The following ZGRF1 variants were observed in gnomAD, a reference collection of about 807,000 sequenced individuals.
The protein encoded by ZGRF1 is zinc finger GRF-type containing 1, also known as 5'-3' DNA helicase ZGRF1.
Under a neutral mutation model 203.5 loss-of-function variants are expected in ZGRF1, and 196 were observed. That is an observed-to-expected ratio of 0.96 (90% CI 0.86 to 1.08). The LOEUF is 1.08. Among genes scored for constraint, ZGRF1 ranks in the 50% least tolerant of loss-of-function variants. ZGRF1 has a pLI of 0.00. For synonymous variants in ZGRF1, 809 were observed against 841.3 expected, an observed-to-expected ratio of 0.96 and a Z score of 0.66; for missense variants, 2,326 against 2,416.3, an observed-to-expected ratio of 0.96 and a Z score of 0.78.
chr4:112,618,057 G>A lies in ZGRF1; in HGVS notation c.1985C>T (p.Ala662Val). 6.2e-7 allele frequency: 1 copy of A among 1,613,610 alleles called. No homozygotes were observed. The highest frequency in any genetic ancestry group is 8.5e-7 in the Non-Finnish European group (1 of 1,179,842). The change falls in exon 6 of 28, where the codon GCT (alanine) becomes GTT (valine). Residue 662 changes from alanine to valine, a missense_variant. Physicochemically the swap from Ala to Val is moderately conservative, Grantham distance 64. Transcript: ENST00000505019. ...TCTGACTTCTTGAATAGGTTTATTA[G>A]CATCTTCTTTATTATCTCCGTATAC... ...DAVYGDNKED[A>V]NKPIQEVRIN... is the part of the protein sequence containing the mutation.
chr4:112,608,191 G>A (rs762252589), intron 8 of ZGRF1, among the ~76,000 whole-genome samples: 8 of 152,128 alleles, frequency 5.3e-5, no homozygotes, highest in Admixed American at 1.3e-4. Flanking sequence ...TGAGATTATA[G>A]GCACGGGCCA....
chr4:112,605,924 G>C, intron 9 of ZGRF1, 84 bp downstream of exon 9: 1 of 897,060 alleles, frequency 1.1e-6, no homozygotes, highest in Non-Finnish European at 1.8e-6. Context: ...TGAAAACTCT[G>C]ATACTTGTTT....
intron 11 of ZGRF1, among the ~76,000 whole-genome samples, chr4:112,588,300 T>C (rs763707591): frequency 8.5e-5 from 13 of 152,258 alleles, no homozygotes; most frequent in Admixed American, 7.2e-4. Context: ...GGCTTAGCAG[T>C]AGCATAACTA....
At position 112,632,003 on chromosome 4, in the gene ZGRF1, TA is replaced by T. The variant is rs1195793785; in HGVS notation, c.28del (p.Tyr10IlefsTer6). MESQEFIVL[Y>X]THQKMKKSKV... Reference sequence around the variant, plus strand: ...TGACTTCTTCATCTTTTGATGAGTATATAGAACCTTATTTCCAAAAATACAA... The same window carrying T: ...TGACTTCTTCATCTTTTGATGAGTATTAGAACCTTATTTCCAAAAATACAA... On this transcript the variant is annotated frameshift_variant, in exon 3 of 28. Coordinates refer to ENST00000505019, the MANE Select transcript of ZGRF1 (RefSeq NM_018392.5). LOFTEE classifies it high-confidence loss of function. The T allele has an allele frequency of 3.3e-6, 5 of 1,503,494 alleles. No homozygotes were observed. The highest frequency in any genetic ancestry group is 1.4e-5 in the African/African-American group (1 of 71,478). 93.1% of individuals were successfully genotyped at this position (1,503,494 alleles called of 1,614,324 possible).
At chr4:112,604,421 T>C (rs1437861786) in intron 9 of ZGRF1, among the ~76,000 whole-genome samples, 1 of 152,204 alleles carries the variant, frequency 6.6e-6, no homozygotes, top group Non-Finnish European at 1.5e-5. Flanking sequence ...CACAACTTCA[T>C]ACTTCAATGA....
chr4:112,583,474 ATTGT>A (rs1242304084), intron 15 of ZGRF1, among the ~76,000 whole-genome samples: 1 of 152,164 alleles, frequency 6.6e-6, no homozygotes, highest in Non-Finnish European at 1.5e-5. Context: ...TATTGCTGAC[ATTGT>A]TTGATGTTTA....
Position 112,584,151 on chromosome 4 carries a change from A to G in ZGRF1, c.4125T>C (p.Asp1375=), listed in dbSNP as rs1264352665. The G allele has an allele frequency of 1.9e-6, 3 of 1,604,602 alleles. No individual in the cohort carries two copies. The Admixed American group carries it at 5.2e-5, about 28-fold the overall frequency. Residue 1375 remains aspartate, a synonymous_variant, in exon 15 of 28, where the codon GAT becomes GAC. Transcript: ENST00000505019. The part of the protein sequence containing the change: ...PNKGRLFYTC[D]GPKADRCKFF... The stretch of plus-strand genomic sequence containing the variant: ...ATTTACATCGATCAGCTTTGGGTCC[A>G]TCACATGTATAAAAGAGACGACCCT...
intron 27 of ZGRF1, 78 bp from the exon 28 acceptor site, chr4:112,539,767 C>A (rs1296915079): frequency 1.1e-5 from 17 of 1,562,746 alleles, no homozygotes; most frequent in Non-Finnish European, 1.4e-5. Context: ...GTTACTTCCC[C>A]CAGCAGAGCT....
At chr4:112,619,867 G>A (rs1339158734) in intron 5 of ZGRF1, 135 bp downstream of exon 5, 10 of 906,326 alleles carry the variant, frequency 1.1e-5, no homozygotes, top group East Asian at 2.8e-5. Flanking sequence ...TCAAAGTAGG[G>A]TTTACTTCCT....
chr4:112,618,319 T>G lies in ZGRF1; in HGVS notation c.1723A>C (p.Arg575=). 6.2e-7 allele frequency: 1 copy of G among 1,613,928 alleles called. No homozygotes were observed. The highest frequency in any genetic ancestry group is 1.3e-5 in the African/African-American group (1 of 75,038). ...VNDGNSCFQK[R]SENTNCEEIE... ...TCTTCACAGTTTGTATTCTCAGACCTCTTTTGAAAACATGAATTGCCATCA... is the reference window on the plus strand; with the variant it reads ...TCTTCACAGTTTGTATTCTCAGACCGCTTTTGAAAACATGAATTGCCATCA... Residue 575 remains arginine (R), a synonymous_variant, in exon 6 of 28, where the codon AGG becomes CGG. Transcript: ENST00000505019.
chr4:112,584,016 T>C lies in ZGRF1; in HGVS notation c.4260A>G (p.Gln1420=). The stretch of plus-strand genomic sequence containing the variant: ...GGCATTCCTCATAAAGTGGTATCTT[T>C]TGACTTCTTAAATATAAGCCAATAC... ...IKSIGLYLRS[Q]KIPLYEECQL... The change falls in exon 15 of 28, where the codon CAA becomes CAG. Residue 1420 remains glutamine (Q), a synonymous_variant. Transcript: ENST00000505019. 5.0e-6 allele frequency: 8 copies of C among 1,610,730 alleles called. No individual in the cohort carries two copies. Among genetic ancestry groups the C allele is most frequent in the Non-Finnish European group, 6.8e-6 (8 of 1,179,056 alleles).
intron 12 of ZGRF1, 73 bp downstream of exon 12, chr4:112,587,207 T>G (rs1747329563): frequency 7.1e-7 from 1 of 1,409,380 alleles, no homozygotes; most frequent in Admixed American, 2.2e-5. Context: ...CAGTATATTT[T>G]GGTAATTCTT....
At chr4:112,558,358 TTTC>T in intron 19 of ZGRF1, 49 bp from the exon 20 acceptor site, 1 of 1,360,990 alleles carries the variant, frequency 7.3e-7, no homozygotes, top group Non-Finnish European at 9.6e-7. Flanking sequence ...AATAAATAAA[TTTC>T]TTTTTTCTTT....
At chr4:112,595,584 G>A (rs1398670006) in intron 10 of ZGRF1, among the ~76,000 whole-genome samples, 1 of 152,046 alleles carries the variant, frequency 6.6e-6, no homozygotes, top group Non-Finnish European at 1.5e-5. Context: ...GTATATATGT[G>A]TGTGTGTGTG....
intron 3 of ZGRF1, among the ~76,000 whole-genome samples, chr4:112,628,352 AC>A (rs2149201598): frequency 6.6e-6 from 1 of 152,310 alleles, no homozygotes; most frequent in African/African-American, 2.4e-5. Flanking sequence ...CCAAAATTAT[AC>A]ATCTAATAAG....
chr4:112,568,318 C>G (rs1478968704), intron 16 of ZGRF1, among the ~76,000 whole-genome samples: 1 of 152,016 alleles, frequency 6.6e-6, no homozygotes, highest in African/African-American at 2.4e-5. Flanking sequence ...AGGAAAAACC[C>G]AGTTAGACAC....
At chr4:112,625,597 AAAAAG>A (rs1371796487) in intron 3 of ZGRF1, among the ~76,000 whole-genome samples, 13 of 147,800 alleles carry the variant, frequency 8.8e-5, no homozygotes, top group Non-Finnish European at 1.6e-4. Flanking sequence ...AAAAAAAAAA[AAAAAG>A]AAAAGAAAAT....
chr4:112,587,208 G>C, intron 12 of ZGRF1, 72 bp downstream of exon 12: 3 of 1,409,428 alleles, frequency 2.1e-6, no homozygotes, highest in Non-Finnish European at 2.9e-6. Context: ...AGTATATTTT[G>C]GTAATTCTTT....
chr4:112,570,934 C>T (rs1214475282), intron 16 of ZGRF1, among the ~76,000 whole-genome samples: 1 of 151,978 alleles, frequency 6.6e-6, no homozygotes, highest in Non-Finnish European at 1.5e-5. Flanking sequence ...GAAACCCTGT[C>T]TCTACTAAAA....
Sources: allele counts gnomAD v4.1 joint callset (sites outside exome capture counted in the v4.1 genomes callset), GRCh38; gene constraint gnomAD v4.1.1; transcripts MANE v1.5; gene names NCBI Gene and HGNC (gene_info 2026-07-23, HGNC 2026-07-21).